Variants in RPAP3 observed in about 807,000 individuals in gnomAD.
The protein encoded by RPAP3 is RNA polymerase II-associated protein 3.
In RPAP3, 58 loss-of-function variants were observed where a neutral mutation model predicts 88.8. The observed-to-expected ratio is 0.65, with a 90% CI of 0.53 to 0.81. The LOEUF (loss-of-function observed/expected upper bound fraction) is 0.81, where lower values mean the gene tolerates loss of function less well. RPAP3 is among the 40% of genes least tolerant of loss of function. The pLI, the probability that RPAP3 is intolerant of heterozygous loss-of-function variation, is 0.00. For synonymous variants in RPAP3, 255 were observed against 259.9 expected (o/e 0.98, Z 0.18); for missense variants, 751 against 764.3 (o/e 0.98, Z 0.20).
At chr12:47,676,357 A>C (rs1939115577) in intron 12 of RPAP3, among the ~76,000 whole-genome samples, 1 of 152,202 alleles carries the variant, frequency 6.6e-6, no homozygotes, top group Admixed American at 6.5e-5. Context: ...AAGAGCAAAC[A>C]AATTCAAAAC....
rs748274753 is a variant in RPAP3, at chr12:47,696,334, C to T, written c.487G>A (p.Asp163Asn). The T allele has an allele frequency of 5.6e-6, 9 of 1,600,160 alleles. No individual in the cohort carries two copies. Among genetic ancestry groups the T allele is most frequent in the African/African-American group, 2.7e-5 (2 of 74,308 alleles). Residue 163 changes from aspartate to asparagine, a missense_variant, in exon 5 of 17, where the codon GAT becomes AAT. Physicochemically the swap from Asp to Asn is conservative, Grantham distance 23. Transcript: ENST00000005386. ...IDCYTKGMDA[D>N]PYNPVLPTNR... ...GTTGGCAACACGGGATTATATGGAT[C>T]GGCATCCATGCCTTTTGTGTAGCAG... is the stretch of plus-strand genomic sequence containing the variant.
At chr12:47,664,882 C>G (rs1938836493) in intron 16 of RPAP3, 1 of 152,136 alleles carries the variant, frequency 6.6e-6, no homozygotes, top group Non-Finnish European at 1.5e-5. Context: ...ACACATGAAC[C>G]ACTGTCAGCT....
chr12:47,679,613 AC>A lies in RPAP3; in HGVS notation c.1186-20del. ...TTAATTCCTTGAAAATAAATTTATA[AC>A]CCTAACTTTCAAAATATTTATTATA... On this transcript the variant is annotated intron_variant, in intron 11 of 16. Transcript: ENST00000005386. The A allele has an allele frequency of 6.5e-7, 1 of 1,549,848 alleles. No homozygotes were observed. The highest frequency in any genetic ancestry group is 8.8e-7 in the Non-Finnish European group (1 of 1,131,456).
chr12:47,688,612 A>G (rs538067943), intron 7 of RPAP3, among the ~76,000 whole-genome samples: 24 of 152,372 alleles, frequency 1.6e-4, no homozygotes, highest in Non-Finnish European at 3.1e-4. Context: ...GTTTTCAGAC[A>G]TAACAGTTCA....
chr12:47,679,923 A>G, intron 10 of RPAP3, 149 bp from the exon 11 acceptor site: 1 of 591,858 alleles, frequency 1.7e-6, no homozygotes, highest in Non-Finnish European at 3.0e-6. Flanking sequence ...GAGCTATAGT[A>G]AGAACATTTA....
intron 7 of RPAP3, 23 bp from the exon 8 acceptor site, chr12:47,688,024 A>G (rs1448329941): frequency 1.3e-6 from 2 of 1,587,494 alleles, no homozygotes; most frequent in Non-Finnish European, 1.7e-6. Flanking sequence ...GCAGTCAGCT[A>G]AAATAAAACA....
intron 1 of RPAP3, among the ~76,000 whole-genome samples, chr12:47,704,360 C>A (rs1344720160): frequency 6.6e-6 from 1 of 152,058 alleles, no homozygotes; most frequent in African/African-American, 2.4e-5. Context: ...CATAAAAAGA[C>A]TATTCAGAGT....
chr12:47,691,648 T>C (rs1002446215), intron 5 of RPAP3, among the ~76,000 whole-genome samples: 3 of 152,230 alleles, frequency 2.0e-5, no homozygotes, highest in East Asian at 3.8e-4. Context: ...GATATTGTGT[T>C]AGGAGGCATG....
In RPAP3 at chr12:47,670,210, T is replaced by C. The variant is rs1938967282; in HGVS notation, c.1423A>G (p.Thr475Ala). 1.2e-6 allele frequency: 2 copies of C among 1,613,862 alleles called. No individual in the cohort carries two copies. Among genetic ancestry groups the C allele is most frequent in the African/African-American group, 2.7e-5 (2 of 74,938 alleles). The change falls in exon 13 of 17, where the codon ACA becomes GCA. Residue 475 changes from threonine to alanine, a missense_variant. Physicochemically the swap from Thr to Ala is moderately conservative, Grantham distance 58. Coordinates refer to ENST00000005386, the MANE Select transcript of RPAP3 (RefSeq NM_024604.3). ...TCTTGGCTTGAATTCTTCTTACTTG[T>C]GGTGCCTGTGGCTGCTATTACATTT... ...LANVIAATGT[T>A]SKKNSSQDDL...
intron 13 of RPAP3, among the ~76,000 whole-genome samples, chr12:47,669,317 T>C (rs1340934747): frequency 2.6e-5 from 4 of 152,220 alleles, no homozygotes; most frequent in African/African-American, 7.2e-5. Flanking sequence ...GGCTATGTAA[T>C]GACTATTCTC....
At chr12:47,704,027 G>C (rs983361002) in intron 1 of RPAP3, among the ~76,000 whole-genome samples, 2 of 152,208 alleles carry the variant, frequency 1.3e-5, no homozygotes, top group African/African-American at 4.8e-5. Flanking sequence ...TGCTGAATTT[G>C]AGTGCTAATG....
At chr12:47,679,670 A>C in intron 11 of RPAP3, 34 bp downstream of exon 11, 5 of 1,549,020 alleles carry the variant, frequency 3.2e-6, no homozygotes, top group Non-Finnish European at 4.4e-6. Flanking sequence ...GTTTCAGAAA[A>C]TATGACCATG....
At position 47,661,784 on chromosome 12, in the gene RPAP3, T is replaced by C. The variant is rs746440638; in HGVS notation, c.*1721A>G. On this transcript the variant is annotated 3_prime_UTR_variant, in exon 17 of 17. Coordinates refer to ENST00000005386, the MANE Select transcript of RPAP3 (RefSeq NM_024604.3). ...CTGTTTTGGCCAATTTTTAGCTCTA[T>C]AATCATGCAGAGAACATTAACCCTC... The C allele has an allele frequency of 2.0e-5, 3 of 152,198 alleles. No homozygotes were observed. The highest frequency in any genetic ancestry group is 2.9e-5 in the Non-Finnish European group (2 of 68,032). 9.4% of individuals were successfully genotyped at this position (152,198 alleles called of 1,614,324 possible).
At chr12:47,675,926 A>G (rs556080362) in intron 12 of RPAP3, among the ~76,000 whole-genome samples, 8 of 152,312 alleles carry the variant, frequency 5.3e-5, no homozygotes, top group South Asian at 2.1e-4. Context: ...CTCCACCCTA[A>G]ATCAACAGAA....
At chr12:47,697,806 A>T in intron 3 of RPAP3, 87 bp from the exon 4 acceptor site, 4 of 1,172,680 alleles carry the variant, frequency 3.4e-6, no homozygotes, top group Non-Finnish European at 4.7e-6. Context: ...ATACACTCAA[A>T]TGAATGTAAA....
intron 6 of RPAP3, 56 bp from the exon 7 acceptor site, chr12:47,689,251 T>C (rs1939382684): frequency 3.0e-5 from 21 of 707,254 alleles, no homozygotes; most frequent in Middle Eastern, 3.1e-4. Flanking sequence ...TTTTAAAACA[T>C]GTACAAAACA....
chr12:47,676,308 T>C (rs1007974338), intron 12 of RPAP3, among the ~76,000 whole-genome samples: 3 of 152,098 alleles, frequency 2.0e-5, no homozygotes, highest in South Asian at 2.1e-4. Context: ...AGATCTAAAA[T>C]TGACACCCTA....
rs998002741 is a variant in RPAP3, at chr12:47,693,529, G to A, written c.545+2747C>T. The stretch of plus-strand genomic sequence containing the variant: ...TGATATAAGGTTGCCACAAACTTTC[G>A]TTTTGTAAAAACAGTATCTGTGGAC... On this transcript the variant is annotated intron_variant, in intron 5 of 16. Transcript: ENST00000005386. Among the ~76,000 whole-genome samples, 5 of 152,298 alleles carry A rather than the reference G, an allele frequency of 3.3e-5. No homozygotes were observed. In the East Asian group the frequency reaches 7.7e-4, roughly 24 times the overall value.
chr12:47,703,372 G>C (rs762144869), intron 1 of RPAP3, among the ~76,000 whole-genome samples: 4 of 152,188 alleles, frequency 2.6e-5, no homozygotes, highest in Non-Finnish European at 4.4e-5. Flanking sequence ...TATTTTAAGA[G>C]TGCTGTCCTG....
Sources: gnomAD v4.1 joint callset for allele counts (sites outside exome capture counted in the v4.1 genomes callset) on GRCh38, gnomAD v4.1.1 for gene constraint, MANE v1.5 for transcripts, NCBI Gene and HGNC (gene_info 2026-07-23, HGNC 2026-07-21) for gene names.